Variants in CPNE4 observed in about 807,000 individuals in gnomAD.
CPNE4 encodes copine 4.
In CPNE4, 25 loss-of-function variants were observed where a neutral mutation model predicts 67.9. The ratio of observed to expected loss-of-function variants is 0.37; its 90% CI spans 0.27 to 0.51. The LOEUF (loss-of-function observed/expected upper bound fraction) is 0.51, where lower values mean the gene tolerates loss of function less well. CPNE4 is among the 20% of genes least tolerant of loss of function. The probability of loss-of-function intolerance (pLI) is 0.93; values close to 1 mark genes in which losing one functional copy is unlikely to be tolerated. For synonymous variants in CPNE4, 242 were observed against 244.9 expected, an observed-to-expected ratio of 0.99 and a Z score of 0.11; for missense variants, 464 against 690.8, an observed-to-expected ratio of 0.67 and a Z score of 3.68.
At chr3:131,556,211 T>C (rs1255281661) in intron 11 of CPNE4, among the ~76,000 whole-genome samples, 2 of 151,940 alleles carry the variant, frequency 1.3e-5, no homozygotes, top group Non-Finnish European at 2.9e-5. Context: ...CCATCTCTAC[T>C]AAAAATACAA....
chr3:131,585,476 A>G (rs1938117745), intron 8 of CPNE4, among the ~76,000 whole-genome samples: 1 of 152,246 alleles, frequency 6.6e-6, no homozygotes, highest in South Asian at 2.1e-4. Flanking sequence ...AGTGATTCAG[A>G]AAAGCACATT....
chr3:131,917,609 C>G (rs569899613), intron 1 of CPNE4, among the ~76,000 whole-genome samples: 2 of 152,208 alleles, frequency 1.3e-5, no homozygotes, highest in South Asian at 2.1e-4. Context: ...CTTCTTCAGT[C>G]TGAATACCAG....
intron 1 of CPNE4, among the ~76,000 whole-genome samples, chr3:131,930,898 C>T (rs1262082264): frequency 2.0e-5 from 3 of 152,058 alleles, no homozygotes; most frequent in African/African-American, 7.2e-5. Context: ...AAATTTCTAC[C>T]TCTCTTCACA....
At chr3:131,747,118 GT>G (rs60764409) in intron 2 of CPNE4, among the ~76,000 whole-genome samples, 89,722 of 142,684 alleles carry the variant, frequency 0.63, 27,672 homozygotes, top group East Asian at 0.65. Context: ...TTAAAATCAT[GT>G]TTTTTTTTTT....
chr3:131,809,545 G>GAA (rs5852652), intron 2 of CPNE4, among the ~76,000 whole-genome samples: 2 of 151,862 alleles, frequency 1.3e-5, no homozygotes, highest in Admixed American at 1.3e-4. Context: ...TAAATACCCA[G>GAA]AAAAAGTGAG....
At chr3:131,729,408 A>G (rs1371177069) in intron 2 of CPNE4, among the ~76,000 whole-genome samples, 1 of 152,250 alleles carries the variant, frequency 6.6e-6, no homozygotes, top group Non-Finnish European at 1.5e-5. Flanking sequence ...ATATTAAACC[A>G]CACAAAAGTT....
intron 14 of CPNE4, 48 bp downstream of exon 14, chr3:131,549,899 G>T: frequency 6.2e-7 from 1 of 1,604,662 alleles, no homozygotes; most frequent in Non-Finnish European, 8.5e-7. Context: ...CAATATCCAG[G>T]TGAGGAAGAG....
intron 2 of CPNE4, among the ~76,000 whole-genome samples, chr3:131,731,651 A>C (rs1421979950): frequency 6.6e-6 from 1 of 152,076 alleles, no homozygotes; most frequent in Non-Finnish European, 1.5e-5. Flanking sequence ...TCACTGTCCT[A>C]GTGCTGTGTG....
chr3:131,892,327 C>T (rs2088148368), intron 2 of CPNE4, among the ~76,000 whole-genome samples: 1 of 152,084 alleles, frequency 6.6e-6, no homozygotes. Flanking sequence ...GAAACCAGAC[C>T]CAGAAATGCT....
intron 2 of CPNE4, among the ~76,000 whole-genome samples, chr3:131,771,958 T>A (rs2083177574): frequency 1.3e-5 from 2 of 152,146 alleles, no homozygotes; most frequent in Admixed American, 1.3e-4. Flanking sequence ...TGCCCATACA[T>A]TTACACTGAG....
At chr3:131,654,330 A>G (rs2079893302) in intron 7 of CPNE4, among the ~76,000 whole-genome samples, 1 of 151,764 alleles carries the variant, frequency 6.6e-6, no homozygotes, top group Non-Finnish European at 1.5e-5. Flanking sequence ...GGATTTTTGT[A>G]CAGATTGTTT....
intron 4 of CPNE4, among the ~76,000 whole-genome samples, chr3:131,698,620 A>AAG (rs1220475371): frequency 7.9e-5 from 12 of 151,880 alleles, no homozygotes. Flanking sequence ...AAAAAAAAAA[A>AAG]AAAAATCAGG....
At chr3:131,848,351 T>A (rs1432954757) in intron 2 of CPNE4, among the ~76,000 whole-genome samples, 2 of 152,134 alleles carry the variant, frequency 1.3e-5, no homozygotes, top group Non-Finnish European at 2.9e-5. Flanking sequence ...TCCCATTCAT[T>A]CCCCACTCAT....
chr3:131,742,745 T>C (rs548404551), intron 2 of CPNE4, among the ~76,000 whole-genome samples: 1 of 152,196 alleles, frequency 6.6e-6, no homozygotes, highest in South Asian at 2.1e-4. Flanking sequence ...CTTTGAAATT[T>C]AAAAACAAAA....
intron 15 of CPNE4, among the ~76,000 whole-genome samples, chr3:131,535,719 G>A (rs1392849844): frequency 5.9e-5 from 9 of 152,154 alleles, no homozygotes; most frequent in Non-Finnish European, 1.2e-4. Context: ...GGGGAACTAG[G>A]CATGGCCAAT....
At chr3:131,924,703 C>T (rs2070845204) in intron 1 of CPNE4, among the ~76,000 whole-genome samples, 1 of 151,898 alleles carries the variant, frequency 6.6e-6, no homozygotes, top group Admixed American at 6.6e-5. Context: ...ATTTTCAGTC[C>T]CTAGAAAGGA....
chr3:131,551,624 T>G (rs1157714873), intron 13 of CPNE4, among the ~76,000 whole-genome samples: 1 of 152,036 alleles, frequency 6.6e-6, no homozygotes, highest in Non-Finnish European at 1.5e-5. Context: ...CTCAATGGTA[T>G]TGATATCATA....
chr3:131,900,456 G>C (rs540728564), intron 2 of CPNE4, among the ~76,000 whole-genome samples: 3 of 152,156 alleles, frequency 2.0e-5, no homozygotes, highest in African/African-American at 7.2e-5. Context: ...CCACATAAAG[G>C]TAACCTAGGC....
chr3:131,982,445 G>A (rs2072931424), intron 1 of CPNE4, among the ~76,000 whole-genome samples: 1 of 152,194 alleles, frequency 6.6e-6, no homozygotes, highest in African/African-American at 2.4e-5. Context: ...TTGCAAAAAT[G>A]AAGTGCTAGA....
Sources: gnomAD v4.1 joint callset for allele counts (sites outside exome capture counted in the v4.1 genomes callset) on GRCh38, gnomAD v4.1.1 for gene constraint, MANE v1.5 for transcripts, NCBI Gene and HGNC (gene_info 2026-07-23, HGNC 2026-07-21) for gene names.